The following PSD2 variants were observed in gnomAD, a reference collection of about 807,000 sequenced individuals.
The protein encoded by PSD2 is pleckstrin and Sec7 domain containing 2.
In PSD2, 38 loss-of-function variants were observed where a neutral mutation model predicts 69.8. The observed-to-expected ratio is 0.54, with a 90% CI of 0.42 to 0.71. The LOEUF is 0.71. Among genes scored for constraint, PSD2 ranks in the 30% least tolerant of loss-of-function variants. The pLI is 0.00. For synonymous variants in PSD2, 412 were observed against 423.0 expected, an observed-to-expected ratio of 0.97 and a Z score of 0.32; for missense variants, 943 against 1,014.5, an observed-to-expected ratio of 0.93 and a Z score of 0.96.
rs1187203387 is a variant in PSD2 at position 139,843,174 on chromosome 5, CAGTT to C, written c.*703_*706del. The C allele has an allele frequency of 6.6e-6, 1 of 152,290 alleles. No homozygotes were observed. Among genetic ancestry groups the C allele is most frequent in the Non-Finnish European group, 1.5e-5 (1 of 68,034 alleles). The allele number at this position is 152,290 out of a possible 1,614,324, so 9.4% of individuals were successfully genotyped here. On this transcript the variant is annotated 3_prime_UTR_variant, in exon 15 of 15. Coordinates refer to ENST00000274710, the MANE Select transcript of PSD2 (RefSeq NM_032289.4). Reference sequence around the variant, plus strand: ...TGAAAGATGGTTTTGGAACTGGAATCAGTTAGAGGATGAAATCAGATAAAGGAAA... The same window carrying C: ...TGAAAGATGGTTTTGGAACTGGAATCAGAGGATGAAATCAGATAAAGGAAA...
chr5:139,751,790 C>A, the PSD2 span, among the ~76,000 whole-genome samples: 1 of 120,416 alleles, frequency 8.3e-6, no homozygotes, highest in South Asian at 2.7e-4. Flanking sequence ...AGGGTCCAGC[C>A]TTTTTTTTTT....
rs75086475 is a variant in PSD2 at position 139,832,730 on chromosome 5, C to T, written c.1270-972C>T. Among the ~76,000 whole-genome samples, 769 of 152,310 alleles carry T rather than the reference C, an allele frequency of 5.0e-3. 6 individuals carry two copies. Among genetic ancestry groups the T allele is most frequent in the African/African-American group, 0.017 (719 of 41,568 alleles). On this transcript the variant is annotated intron_variant, in intron 7 of 14. Coordinates refer to ENST00000274710, the MANE Select transcript of PSD2 (RefSeq NM_032289.4). ...AGAGCAAACCCCAATCCACAAAATC[C>T]TTCAGTGATAAGTATCTGGTATTCA...
upstream of PSD2, among the ~76,000 whole-genome samples, chr5:139,794,057 G>A (rs1484767105): frequency 6.6e-6 from 1 of 152,214 alleles, no homozygotes; most frequent in Non-Finnish European, 1.5e-5. Context: ...ATGCAGGACA[G>A]CAGGGAAGCC....
At chr5:139,795,317 T>G (rs1187876779), upstream of PSD2, among the ~76,000 whole-genome samples, 1 of 151,534 alleles carries the variant, frequency 6.6e-6, no homozygotes, top group Non-Finnish European at 1.5e-5. The surrounding 1 kb of genome is among the most constrained non-coding windows in gnomAD (Gnocchi z 4.5). Flanking sequence ...GCTCCTCCCT[T>G]GGCGGCGTCT....
chr5:139,766,524 G>C, the PSD2 span, among the ~76,000 whole-genome samples: 929 of 152,320 alleles, frequency 6.1e-3, 3 homozygotes, highest in Non-Finnish European at 0.01. Context: ...AGAGCAGAAG[G>C]GACCCAGGTT....
intron 7 of PSD2, among the ~76,000 whole-genome samples, chr5:139,824,011 G>C (rs1359743710): frequency 6.6e-6 from 1 of 152,250 alleles, no homozygotes; most frequent in Non-Finnish European, 1.5e-5. Context: ...TGTGGAACAA[G>C]AGAGAAGACG....
At chr5:139,799,393 G>A (rs1396592888) in intron 1 of PSD2, among the ~76,000 whole-genome samples, 1 of 152,214 alleles carries the variant, frequency 6.6e-6, no homozygotes, top group African/African-American at 2.4e-5. Flanking sequence ...GACAGGTGCT[G>A]TTGGTGGGGG....
the PSD2 span, among the ~76,000 whole-genome samples, chr5:139,756,376 C>T: frequency 1.3e-5 from 2 of 152,208 alleles, no homozygotes; most frequent in Non-Finnish European, 2.9e-5. Flanking sequence ...GAGCAGGCTG[C>T]GCTCCCCCGG....
At chr5:139,804,823 G>A (rs1759757657) in intron 1 of PSD2, among the ~76,000 whole-genome samples, 1 of 152,158 alleles carries the variant, frequency 6.6e-6, no homozygotes, top group South Asian at 2.1e-4. Context: ...GGCAAATTAG[G>A]GGGATTGCCT....
At chr5:139,829,812 G>T (rs1325324128) in intron 7 of PSD2, among the ~76,000 whole-genome samples, 6 of 152,092 alleles carry the variant, frequency 3.9e-5, no homozygotes, top group African/African-American at 1.4e-4. Flanking sequence ...ACAAGTTTTT[G>T]TCTGAATATC....
rs1040922420 is a variant in PSD2, at chr5:139,837,797, G to A, written c.1823+15G>A. On this transcript the variant is annotated intron_variant, in intron 12 of 14. Transcript: ENST00000274710. This position sits in a 1 kb window ranked among gnomAD's most constrained non-coding sequence, Gnocchi z 5.0. ...TTCCAGGCACCGTGAGTAGGAGCTG[G>A]AGCCCTTCACTCCCACCTGGGGCCC... 2 of 1,599,510 alleles carry A rather than the reference G, an allele frequency of 1.3e-6. No homozygotes were observed. Among genetic ancestry groups the A allele is most frequent in the Non-Finnish European group, 1.7e-6 (2 of 1,169,512 alleles).
Position 139,813,731 on chromosome 5 carries a change from A to T in PSD2, c.794A>T (p.Asp265Val). Residue 265 changes from aspartate to valine, a missense_variant, in exon 3 of 15, where the codon GAC (aspartate) becomes GTC (valine). By Grantham distance (152) the Asp-to-Val change is radical (BLOSUM62 -3). Around this residue, in one of 3 missense-constraint regions of PSD2, gnomAD observed 466 missense variants for 445.0 expected, o/e 1.05. Coordinates refer to ENST00000274710, the MANE Select transcript of PSD2 (RefSeq NM_032289.4). ...GGGGATGAGGATGATGATGAGGAGG[A>T]CACGGACAAGTTGCTGAACTCAGCC... ...PGGDEDDDEE[D>V]TDKLLNSASD... 1.2e-6 allele frequency: 2 copies of T among 1,608,060 alleles called. No individual in the cohort carries two copies. The highest frequency in any genetic ancestry group is 1.7e-6 in the Non-Finnish European group (2 of 1,175,960).
chr5:139,752,384 A>T, the PSD2 span, among the ~76,000 whole-genome samples: 1 of 152,240 alleles, frequency 6.6e-6, no homozygotes, highest in East Asian at 1.9e-4. Flanking sequence ...ATGCACTGTC[A>T]CCTGGGTGCA....
chr5:139,834,233 C>A (rs970335216), intron 8 of PSD2, among the ~76,000 whole-genome samples: 1 of 152,118 alleles, frequency 6.6e-6, no homozygotes, highest in South Asian at 2.1e-4. Flanking sequence ...CTGGTCATTT[C>A]TCCACTGAGG....
the PSD2 span, among the ~76,000 whole-genome samples, chr5:139,766,763 C>T: frequency 6.6e-6 from 1 of 152,158 alleles, no homozygotes; most frequent in Admixed American, 6.5e-5. Flanking sequence ...GAGGGGTAGG[C>T]ATCAGGATAG....
rs1554095257 is a variant in PSD2, at chr5:139,816,011, A to AAG, written c.1017-1469_1017-1468insGA. On this transcript the variant is annotated intron_variant, in intron 4 of 14. Transcript: ENST00000274710. ...TCCATATATTAAAAAAAAAAAAAAA[A>AAG]AAAAAGAAAATTTCAAACAAACACG... 3.1e-3 allele frequency among the ~76,000 whole-genome samples: 470 copies of AAG among 151,390 alleles called. 4 individuals are homozygous for AAG. Among genetic ancestry groups the AAG allele is most frequent in the African/African-American group, 0.011 (450 of 41,318 alleles).
chr5:139,831,267 A>G (rs1489503824), intron 7 of PSD2, among the ~76,000 whole-genome samples: 1 of 152,066 alleles, frequency 6.6e-6, no homozygotes, highest in East Asian at 1.9e-4. Flanking sequence ...GTTAGTGTTT[A>G]TGTGGTATAT....
At chr5:139,799,571 A>T (rs149689087) in intron 1 of PSD2, among the ~76,000 whole-genome samples, 300 of 152,266 alleles carry the variant, frequency 2.0e-3, no homozygotes, top group African/African-American at 7.0e-3. Context: ...AGAGGGGATG[A>T]TGAGGCAGTT....
At chr5:139,752,021 G>A in the PSD2 span, among the ~76,000 whole-genome samples, 3 of 151,874 alleles carry the variant, frequency 2.0e-5, no homozygotes, top group Non-Finnish European at 2.9e-5. Context: ...TGGAACTCCC[G>A]ACCTCAGGTA....
Sources: gnomAD v4.1 joint callset for allele counts (sites outside exome capture counted in the v4.1 genomes callset) on GRCh38, gnomAD v4.1.1 for gene constraint, gnomAD v4.1.1 regional missense constraint, Gnocchi (gnomAD v3.1) non-coding constraint, MANE v1.5 for transcripts, NCBI Gene and HGNC (gene_info 2026-07-23, HGNC 2026-07-21) for gene names.